DIAPH3: variants seen among roughly 807,000 people sequenced by gnomAD.
DIAPH3 encodes the protein diaphanous related formin 3, also known as protein diaphanous homolog 3.
A neutral mutation model predicts 144.3 loss-of-function variants in DIAPH3; 117 were observed. The ratio of observed to expected loss-of-function variants is 0.81; its 90% CI spans 0.70 to 0.95. The LOEUF (loss-of-function observed/expected upper bound fraction) is 0.95. Ranked by LOEUF, DIAPH3 falls within the 40% of genes least tolerant of loss-of-function variation. The pLI, the probability that DIAPH3 is intolerant of heterozygous loss-of-function variation, is 0.00. For synonymous variants in DIAPH3, 519 were observed against 488.9 expected (o/e 1.06, Z -0.81); for missense variants, 1,421 against 1,412.7 (o/e 1.01, Z -0.09).
intron 5 of DIAPH3, among the ~76,000 whole-genome samples, chr13:60,029,100 G>A (rs1487798745): frequency 3.3e-5 from 5 of 151,280 alleles, no homozygotes; most frequent in Admixed American, 3.3e-4. Flanking sequence ...AAAATTCACG[G>A]AACAAGTAAC....
At chr13:59,997,911 A>G (rs1042902562) in intron 9 of DIAPH3, among the ~76,000 whole-genome samples, 1 of 152,084 alleles carries the variant, frequency 6.6e-6, no homozygotes, top group Middle Eastern at 3.2e-3. Flanking sequence ...AAGAACCAGT[A>G]AAATACTTAA....
intron 20 of DIAPH3, among the ~76,000 whole-genome samples, chr13:59,879,777 T>C (rs544079151): frequency 2.0e-5 from 3 of 152,292 alleles, no homozygotes; most frequent in South Asian, 2.1e-4. Flanking sequence ...ACAAGATACA[T>C]AGGCCACAAA....
At chr13:59,838,674 G>A (rs1341419384) in intron 23 of DIAPH3, 1 of 152,212 alleles carries the variant, frequency 6.6e-6, no homozygotes, top group Admixed American at 6.5e-5. Context: ...TGAGTTTAGA[G>A]TCAAACTTCC....
intron 17 of DIAPH3, among the ~76,000 whole-genome samples, chr13:59,928,254 CT>C (rs548275267): frequency 1.3e-5 from 2 of 151,940 alleles, no homozygotes; most frequent in African/African-American, 4.8e-5. Context: ...ATATCTATCT[CT>C]TTGTTGAATT....
At chr13:59,776,703 GA>G (rs1187335166) in intron 25 of DIAPH3, among the ~76,000 whole-genome samples, 2 of 152,084 alleles carry the variant, frequency 1.3e-5, no homozygotes, top group African/African-American at 2.4e-5. Flanking sequence ...AAACTATAAA[GA>G]AAATGTGAAC....
At chr13:59,976,097 C>A (rs910470476) in intron 14 of DIAPH3, among the ~76,000 whole-genome samples, 1 of 151,976 alleles carries the variant, frequency 6.6e-6, no homozygotes, top group African/African-American at 2.4e-5. Flanking sequence ...CTCCTTATAA[C>A]CCCTTACCAT....
At chr13:59,797,338 T>A (rs1187948676) in intron 25 of DIAPH3, among the ~76,000 whole-genome samples, 1 of 152,200 alleles carries the variant, frequency 6.6e-6, no homozygotes, top group African/African-American at 2.4e-5. Flanking sequence ...TAGGATAGTA[T>A]CATGACATAA....
At chr13:60,124,415 ACAGATGACC>A (rs1422252158) in intron 2 of DIAPH3, among the ~76,000 whole-genome samples, 6 of 152,300 alleles carry the variant, frequency 3.9e-5, no homozygotes, top group Non-Finnish European at 7.4e-5. Flanking sequence ...ATATCCTTTA[ACAGATGACC>A]TCTCAGTCCA....
At position 59,957,647 on chromosome 13, in the gene DIAPH3, A is replaced by C. The variant is rs181441248; in HGVS notation, c.2074+12297T>G. ...GTACTGAAAAACTGCCGAATCTGCA[A>C]AAGTATTTAATGAAAACACAAACAA... On this transcript the variant is annotated intron_variant, in intron 17 of 27. Coordinates refer to ENST00000400324, the MANE Select transcript of DIAPH3 (RefSeq NM_001042517.2). 1.7e-3 allele frequency among the ~76,000 whole-genome samples: 266 copies of C among 152,374 alleles called. 1 individual carries two copies. Among genetic ancestry groups the C allele is most frequent in the Admixed American group, 4.2e-3 (65 of 15,308 alleles).
intron 24 of DIAPH3, among the ~76,000 whole-genome samples, chr13:59,827,271 G>A (rs867004494): frequency 3.9e-5 from 6 of 151,970 alleles, no homozygotes; most frequent in South Asian, 4.2e-4. Flanking sequence ...GAAAATTTTC[G>A]CAACCTACTC....
chr13:60,023,499 T>A (rs1207257948), intron 5 of DIAPH3, among the ~76,000 whole-genome samples: 1 of 151,816 alleles, frequency 6.6e-6, no homozygotes, highest in Non-Finnish European at 1.5e-5. Context: ...AGTGGTGCAA[T>A]CTCAGCTCAC....
chr13:60,010,692 G>A (rs2140948640), intron 7 of DIAPH3, 23 bp from the exon 8 acceptor site: 1 of 1,607,934 alleles, frequency 6.2e-7, no homozygotes, highest in Non-Finnish European at 8.5e-7. Flanking sequence ...GAAAATAAGA[G>A]GTCAAATGTT....
intron 24 of DIAPH3, among the ~76,000 whole-genome samples, chr13:59,820,323 G>A (rs1469954096): frequency 6.6e-6 from 1 of 151,878 alleles, no homozygotes; most frequent in Non-Finnish European, 1.5e-5. Context: ...GAAAGCTATA[G>A]TGGTAAATTA....
At chr13:59,769,488 T>A (rs1040292387) in intron 27 of DIAPH3, among the ~76,000 whole-genome samples, 2 of 152,254 alleles carry the variant, frequency 1.3e-5, no homozygotes, top group Middle Eastern at 3.4e-3. Flanking sequence ...CACTTGCTTA[T>A]GAATTATTAG....
intron 24 of DIAPH3, among the ~76,000 whole-genome samples, chr13:59,814,797 A>G (rs761438312): frequency 2.0e-4 from 31 of 152,224 alleles, no homozygotes; most frequent in Non-Finnish European, 4.6e-4. Flanking sequence ...GCCTAAAGAA[A>G]TTCTTTGAGT....
At chr13:59,803,518 T>C (rs745598871) in intron 25 of DIAPH3, among the ~76,000 whole-genome samples, 24 of 152,106 alleles carry the variant, frequency 1.6e-4, no homozygotes, top group Non-Finnish European at 2.8e-4. Context: ...CATGAGGATA[T>C]GCCACAAAAA....
chr13:59,941,688 A>T (rs1234289967), intron 17 of DIAPH3, among the ~76,000 whole-genome samples: 2 of 152,186 alleles, frequency 1.3e-5, no homozygotes, highest in Admixed American at 1.3e-4. Context: ...GTCAGCGGAC[A>T]TATTTTCAAA....
intron 22 of DIAPH3, among the ~76,000 whole-genome samples, chr13:59,846,070 A>G (rs1445352705): frequency 6.6e-6 from 1 of 152,220 alleles, no homozygotes; most frequent in African/African-American, 2.4e-5. Context: ...TATGATAATT[A>G]TACACCAGAG....
chr13:59,715,367 A>G (rs1197731142), intron 27 of DIAPH3, among the ~76,000 whole-genome samples: 1 of 152,206 alleles, frequency 6.6e-6, no homozygotes, highest in Non-Finnish European at 1.5e-5. Context: ...TGTGAAGATA[A>G]AAGCTTCAGG....
Sources: gnomAD v4.1 joint callset for allele counts (sites outside exome capture counted in the v4.1 genomes callset) on GRCh38, gnomAD v4.1.1 for gene constraint, MANE v1.5 for transcripts, NCBI Gene and HGNC (gene_info 2026-07-23, HGNC 2026-07-21) for gene names.